Variants in PTDSS2 observed in about 807,000 individuals in gnomAD.
PTDSS2 encodes the protein phosphatidylserine synthase 2, also known as PSS-2.
A neutral mutation model predicts 64.7 loss-of-function variants in PTDSS2; 41 were observed. That is an observed-to-expected ratio of 0.63 (90% CI 0.49 to 0.82). The LOEUF is 0.82. Among genes scored for constraint, PTDSS2 ranks in the 40% least tolerant of loss-of-function variants. PTDSS2 has a pLI of 0.00. For missense variants in PTDSS2, 485 were observed against 650.0 expected, an observed-to-expected ratio of 0.75 and a Z score of 2.76; for synonymous variants, 297 against 277.8, an observed-to-expected ratio of 1.07 and a Z score of -0.69.
Position 456,474 on chromosome 11 carries a change from C to G in PTDSS2, c.183-3713C>G, listed in dbSNP as rs575972460. On this transcript the variant is annotated intron_variant, in intron 1 of 11. Coordinates refer to ENST00000308020, the MANE Select transcript of PTDSS2 (RefSeq NM_030783.3). Reference sequence around the variant, plus strand: ...TTACAGGTGTGAGCCACGGTACCTGCCCCCAAACACTCCTGACTCTTCTTA... The same window carrying G: ...TTACAGGTGTGAGCCACGGTACCTGGCCCCAAACACTCCTGACTCTTCTTA... Among the ~76,000 whole-genome samples the G allele has an allele frequency of 3.9e-5, 6 of 152,046 alleles. No individual in the cohort carries two copies. The South Asian group carries it at 1.2e-3, about 32-fold the overall frequency.
Position 460,113 on chromosome 11 carries a change from T to C in PTDSS2, c.183-74T>C, listed in dbSNP as rs1846806821. The C allele has an allele frequency of 2.6e-6, 3 of 1,172,378 alleles. No homozygotes were observed. In the African/African-American group the frequency reaches 4.6e-5, roughly 18 times the overall value. 72.6% of individuals were successfully genotyped at this position (1,172,378 alleles called of 1,614,324 possible). A position where few individuals can be genotyped will look rare whatever the true frequency, so the allele number is the denominator to read the frequency against. Reference sequence around the variant, plus strand: ...CCCTCTCCTTGACGTAGAGAGGATTTGGGGCCTGTTACGTGAGTATTTAGC... The same window carrying C: ...CCCTCTCCTTGACGTAGAGAGGATTCGGGGCCTGTTACGTGAGTATTTAGC... On this transcript the variant is annotated intron_variant, in intron 1 of 11. Transcript: ENST00000308020. This position sits in a 1 kb window ranked among gnomAD's most constrained non-coding sequence, Gnocchi z 5.8.
intron 2 of PTDSS2, among the ~76,000 whole-genome samples, chr11:468,940 AAG>A (rs1277462242): frequency 1.1e-4 from 15 of 131,008 alleles, no homozygotes; most frequent in South Asian, 5.2e-4. Flanking sequence ...TAATCGGAGA[AAG>A]AGGGGAGTCT....
upstream of PTDSS2, among the ~76,000 whole-genome samples, chr11:449,406 G>A (rs1846223816): frequency 6.6e-6 from 1 of 152,234 alleles, no homozygotes; most frequent in African/African-American, 2.4e-5. Context: ...CTGTGCTGTA[G>A]CATGCGCATG....
At chr11:467,535 A>C (rs1474316237) in intron 2 of PTDSS2, among the ~76,000 whole-genome samples, 1 of 152,176 alleles carries the variant, frequency 6.6e-6, no homozygotes, top group Non-Finnish European at 1.5e-5. Flanking sequence ...AGGCAGGTGG[A>C]TCACGAGGTC....
chr11:486,134 CTG>C (rs1848366473), intron 4 of PTDSS2, among the ~76,000 whole-genome samples: 1 of 152,210 alleles, frequency 6.6e-6, no homozygotes, highest in Admixed American at 6.5e-5. Flanking sequence ...GCACAGGTGT[CTG>C]TAAATGATGT....
In PTDSS2 at chr11:460,046, C is replaced by T. The variant is rs192603446; in HGVS notation, c.183-141C>T. On this transcript the variant is annotated intron_variant, in intron 1 of 11. Coordinates refer to ENST00000308020, the MANE Select transcript of PTDSS2 (RefSeq NM_030783.3). This position sits in a 1 kb window ranked among gnomAD's most constrained non-coding sequence, Gnocchi z 5.8. ...TCTCGGAGTTACCCAGCTAGGGACT[C>T]GCAGCCAGTTGCTGGTTGGGAGTTG... 4,865 of 662,632 alleles carry T rather than the reference C, an allele frequency of 7.3e-3. 36 individuals are homozygous for T. The highest frequency in any genetic ancestry group is 0.012 in the Admixed American group (518 of 43,698). 41.0% of individuals were successfully genotyped at this position (662,632 alleles called of 1,614,324 possible).
chr11:462,732 G>A lies in PTDSS2; in HGVS notation c.284+2444G>A, dbSNP rs1846948057. 6.6e-6 allele frequency among the ~76,000 whole-genome samples: 1 copy of A among 152,090 alleles called. No homozygotes were observed. Among genetic ancestry groups the A allele is most frequent in the Admixed American group, 6.5e-5 (1 of 15,276 alleles). ...AGCCACCCTACCTGCCCCTACGCAGGGTGTCCACACAGAGGGTGTCCGCAC... is the reference window on the plus strand; with the variant it reads ...AGCCACCCTACCTGCCCCTACGCAGAGTGTCCACACAGAGGGTGTCCGCAC... On this transcript the variant is annotated intron_variant, in intron 2 of 11. Transcript: ENST00000308020. This position sits in a 1 kb window ranked among gnomAD's most constrained non-coding sequence, Gnocchi z 4.5.
At position 488,558 on chromosome 11, in the gene PTDSS2, G is replaced by T; in HGVS notation, c.765G>T (p.Gly255=). ...HWIMDVLVCN[G]LGIYCGMKTL... is the part of the protein sequence containing the mutation. ...TCATGGACGTGCTCGTCTGCAACGGGCTGGGCATCTACTGCGGCATGAAGA... is the reference window on the plus strand; with the variant it reads ...TCATGGACGTGCTCGTCTGCAACGGTCTGGGCATCTACTGCGGCATGAAGA... The change falls in exon 8 of 12, where the codon GGG becomes GGT. Residue 255 remains glycine, a synonymous_variant. Transcript: ENST00000308020. The T allele has an allele frequency of 6.2e-7, 1 of 1,613,552 alleles. No homozygotes were observed. Among genetic ancestry groups the T allele is most frequent in the Non-Finnish European group, 8.5e-7 (1 of 1,179,970 alleles).
chr11:482,071 C>G (rs1848097273), intron 4 of PTDSS2, among the ~76,000 whole-genome samples: 2 of 151,840 alleles, frequency 1.3e-5, no homozygotes, highest in Admixed American at 1.3e-4. Flanking sequence ...GTCTTGAACT[C>G]CTGACCTCAG....
chr11:482,622 A>G (rs1848121602), intron 4 of PTDSS2, among the ~76,000 whole-genome samples: 1 of 152,220 alleles, frequency 6.6e-6, no homozygotes, highest in Non-Finnish European at 1.5e-5. Context: ...CCAGATGGAC[A>G]TTCTTATCTG....
chr11:476,676 G>A lies in PTDSS2; in HGVS notation c.368-2409G>A, dbSNP rs1847818983. ...TCTGGCGCAGGTCACCTGGCGGGAT[G>A]TGGAGCATCTGGGCCTGAAGGTCTT... is the stretch of plus-strand genomic sequence containing the variant. On this transcript the variant is annotated intron_variant, in intron 3 of 11. Transcript: ENST00000308020. This position sits in a 1 kb window ranked among gnomAD's most constrained non-coding sequence, Gnocchi z 4.9. Among the ~76,000 whole-genome samples the A allele has an allele frequency of 6.6e-6, 1 of 152,184 alleles. No homozygotes were observed. Among genetic ancestry groups the A allele is most frequent in the Admixed American group, 6.5e-5 (1 of 15,278 alleles).
At chr11:465,927 G>A (rs1376893988) in intron 2 of PTDSS2, among the ~76,000 whole-genome samples, 1 of 152,152 alleles carries the variant, frequency 6.6e-6, no homozygotes, top group Non-Finnish European at 1.5e-5. Context: ...AGGCGACAGA[G>A]TGAGACCTTG....
intron 9 of PTDSS2, 36 bp downstream of exon 9, chr11:489,550 G>C (rs772499078): frequency 1.2e-6 from 2 of 1,608,032 alleles, no homozygotes; most frequent in Middle Eastern, 1.7e-4. Flanking sequence ...CGCGGCGGGC[G>C]GGGGGCCAGA....
chr11:473,892 CA>C lies in PTDSS2; in HGVS notation c.285-2del. ...TGAGGGGCTGTTTGTTCTTTATTTG[CA>C]GAGGTATTGTGGCCAGTATTTTGGT... On this transcript the variant is annotated splice_acceptor_variant, in intron 2 of 11. Coordinates refer to ENST00000308020, the MANE Select transcript of PTDSS2 (RefSeq NM_030783.3). LOFTEE classifies it high-confidence loss of function. The C allele has an allele frequency of 6.2e-7, 1 of 1,611,226 alleles. No individual in the cohort carries two copies. Among genetic ancestry groups the C allele is most frequent in the Non-Finnish European group, 8.5e-7 (1 of 1,177,304 alleles).
chr11:488,169 C>T, intron 6 of PTDSS2, 30 bp from the exon 7 acceptor site: 1 of 1,533,464 alleles, frequency 6.5e-7, no homozygotes. Flanking sequence ...GGCCGGCGTC[C>T]CATACTCTGG....
At chr11:458,507 A>ATTTTTTTT (rs3082636) in intron 1 of PTDSS2, among the ~76,000 whole-genome samples, 1 of 93,906 alleles carries the variant, frequency 1.1e-5, no homozygotes, top group African/African-American at 4.5e-5. Context: ...GCCTGGCCTG[A>ATTTTTTTT]TTTTTTTTTT....
In PTDSS2 at chr11:478,451, CA is replaced by C. The variant is rs34836032; in HGVS notation, c.368-623del. Reference sequence around the variant, plus strand: ...GGGCAACAGAGCCAGGACCTTGTCTCAAAAAAAAAAAGTGGCCAGCCACAGT... The same window carrying C: ...GGGCAACAGAGCCAGGACCTTGTCTCAAAAAAAAAAGTGGCCAGCCACAGT... On this transcript the variant is annotated intron_variant, in intron 3 of 11. Coordinates refer to ENST00000308020, the MANE Select transcript of PTDSS2 (RefSeq NM_030783.3). Among the ~76,000 whole-genome samples the C allele has an allele frequency of 7.1e-4, 100 of 140,646 alleles. 1 individual carries two copies. The South Asian group carries it at 0.011, about 15-fold the overall frequency. The allele number at this position is 140,646 out of a possible 152,430, so 92.3% of individuals were successfully genotyped here.
In PTDSS2 at chr11:490,017, C is replaced by A. The variant is rs1269485440; in HGVS notation, c.1250C>A (p.Thr417Asn). Residue 417 changes from threonine to asparagine, a missense_variant, in exon 11 of 12, where the codon ACC becomes AAC. Coordinates refer to ENST00000308020, the MANE Select transcript of PTDSS2 (RefSeq NM_030783.3). Reference protein sequence around the residue: ...SLPFYISQCWTLGSVLALTWT... With the variant: ...SLPFYISQCWNLGSVLALTWT... Reference sequence around the variant, plus strand: ...CCCTTCTACATCTCCCAGTGCTGGACCCTCGGCTCCGTCCTGGCGCTCACC... The same window carrying A: ...CCCTTCTACATCTCCCAGTGCTGGAACCTCGGCTCCGTCCTGGCGCTCACC... 11 of 1,611,552 alleles carry A rather than the reference C, an allele frequency of 6.8e-6. No homozygotes were observed. The highest frequency in any genetic ancestry group is 9.3e-6 in the Non-Finnish European group (11 of 1,179,976).
rs115115236 is a variant in PTDSS2, at chr11:489,382, C to G, written c.855-18C>G. 6.2e-7 allele frequency: 1 copy of G among 1,606,622 alleles called. No homozygotes were observed. The highest frequency in any genetic ancestry group is 8.5e-7 in the Non-Finnish European group (1 of 1,175,436). ...CGGTGGGCTGCCTTCCTCAGGCTGC[C>G]GGCTCTGTGGTTCCCAGGGGCAAGA... On this transcript the variant is annotated intron_variant, in intron 8 of 11. Coordinates refer to ENST00000308020, the MANE Select transcript of PTDSS2 (RefSeq NM_030783.3).
Sources: allele counts gnomAD v4.1 joint callset (sites outside exome capture counted in the v4.1 genomes callset), GRCh38; gene constraint gnomAD v4.1.1; non-coding constraint Gnocchi (gnomAD v3.1); transcripts MANE v1.5; gene names NCBI Gene and HGNC (gene_info 2026-07-23, HGNC 2026-07-21).